The following XCR1 variants were observed in gnomAD, a reference collection of about 807,000 sequenced individuals.
XCR1 encodes the protein chemokine XC receptor 1.
For missense variants in XCR1, 356 were observed against 424.2 expected (o/e 0.84, Z 1.41); for synonymous variants, 187 against 188.5 (o/e 0.99, Z 0.06).
intron 3 of XCR1, among the ~76,000 whole-genome samples, chr3:46,068,480 T>TTA (rs1698113050): frequency 1.3e-5 from 2 of 152,204 alleles, no homozygotes; most frequent in Non-Finnish European, 2.9e-5. Context: ...ATTACTTTGA[T>TTA]TGATCTTGTT....
intron 1 of XCR1, among the ~76,000 whole-genome samples, chr3:46,078,654 G>C (rs1267864960): frequency 6.6e-6 from 1 of 152,214 alleles, no homozygotes; most frequent in Non-Finnish European, 1.5e-5. Context: ...AATTGCAGCT[G>C]CTTCCTATTG....
chr3:46,069,247 A>AAAAT (rs1698125842), intron 3 of XCR1, among the ~76,000 whole-genome samples: 1 of 152,166 alleles, frequency 6.6e-6, no homozygotes, highest in Admixed American at 6.5e-5. Context: ...AAAAAGGAAA[A>AAAAT]AAATAAGGAG....
chr3:46,072,968 A>G (rs114187426), intron 3 of XCR1, among the ~76,000 whole-genome samples: 6,834 of 152,264 alleles, frequency 0.045, 205 homozygotes, highest in African/African-American at 0.081. Flanking sequence ...ATAAAACCAC[A>G]TATTTAGAGA....
intron 4 of XCR1, among the ~76,000 whole-genome samples, chr3:46,059,233 A>T (rs1697917123): frequency 6.6e-6 from 1 of 152,154 alleles, no homozygotes; most frequent in African/African-American, 2.4e-5. Flanking sequence ...ATTCCCTGTG[A>T]TTAGCTGAAT....
At chr3:46,083,547 A>C (rs1559498320) in intron 1 of XCR1, among the ~76,000 whole-genome samples, 1 of 151,604 alleles carries the variant, frequency 6.6e-6, no homozygotes, top group East Asian at 1.9e-4. Flanking sequence ...AGCTCCATGC[A>C]TTTTTTTTTC....
In XCR1 at chr3:46,018,290, C is replaced by T. The variant is rs1226595461; in HGVS notation, c.*2656G>A. ...AGTGAGCTTCTCAAGGGGCCTCAAC[C>T]CCCAAACCTGCCTTCTAAGAAGGGT... On this transcript the variant is annotated 3_prime_UTR_variant, in exon 2 of 2. Coordinates refer to ENST00000309285, the MANE Select transcript of XCR1 (RefSeq NM_001024644.2). The T allele has an allele frequency of 6.6e-6, 1 of 152,134 alleles. No homozygotes were observed. Among genetic ancestry groups the T allele is most frequent in the African/African-American group, 2.4e-5 (1 of 41,410 alleles). 9.4% of individuals were successfully genotyped at this position (152,134 alleles called of 1,614,324 possible). A position where few individuals can be genotyped will look rare whatever the true frequency, so the allele number is the denominator to read the frequency against.
intron 3 of XCR1, among the ~76,000 whole-genome samples, chr3:46,068,239 T>G (rs1698109728): frequency 2.6e-5 from 4 of 152,172 alleles, no homozygotes. Context: ...TATTACAGCA[T>G]GCAAAACAGG....
In XCR1 at chr3:46,019,255, G is replaced by C. The variant is rs1312904663; in HGVS notation, c.*1691C>G. ...AGCAGCCTGGGACAAAGAAGGTAAAGTGTGCCCCAGGGCATGGCTCCCCAA... is the reference window on the plus strand; with the variant it reads ...AGCAGCCTGGGACAAAGAAGGTAAACTGTGCCCCAGGGCATGGCTCCCCAA... On this transcript the variant is annotated 3_prime_UTR_variant, in exon 2 of 2. Coordinates refer to ENST00000309285, the MANE Select transcript of XCR1 (RefSeq NM_001024644.2). 1.3e-5 allele frequency: 2 copies of C among 152,260 alleles called. No homozygotes were observed. The highest frequency in any genetic ancestry group is 6.5e-5 in the Admixed American group (1 of 15,288). 9.4% of individuals were successfully genotyped at this position (152,260 alleles called of 1,614,324 possible).
At chr3:46,070,100 G>T (rs1167759087) in intron 3 of XCR1, among the ~76,000 whole-genome samples, 1 of 151,922 alleles carries the variant, frequency 6.6e-6, no homozygotes, top group Non-Finnish European at 1.5e-5. Flanking sequence ...AGTTTCCAGA[G>T]TTCTTGTTAT....
At chr3:46,041,241 T>C (rs1697532153) in intron 5 of XCR1, among the ~76,000 whole-genome samples, 1 of 152,182 alleles carries the variant, frequency 6.6e-6, no homozygotes, top group Non-Finnish European at 1.5e-5. Flanking sequence ...GTTGGAGGAA[T>C]TGGTTATTTT....
intron 4 of XCR1, among the ~76,000 whole-genome samples, chr3:46,060,810 C>T (rs1178245400): frequency 6.6e-6 from 1 of 152,190 alleles, no homozygotes; most frequent in East Asian, 1.9e-4. Context: ...AGGACGCTTC[C>T]CCAGTACTAC....
chr3:46,082,632 A>G (rs1698394889), intron 1 of XCR1, among the ~76,000 whole-genome samples: 1 of 151,000 alleles, frequency 6.6e-6, no homozygotes, highest in South Asian at 2.1e-4. Flanking sequence ...CTGGGGCAAC[A>G]GAAGTGCACC....
Position 46,021,331 on chromosome 3 carries a change from A to T in XCR1, c.617T>A (p.Val206Glu). The change falls in exon 2 of 2, where the codon GTG becomes GAG. Residue 206 changes from valine (V) to glutamate (E), a missense_variant. Val to Glu is a moderately radical substitution (Grantham distance 121, BLOSUM62 -2). Coordinates refer to ENST00000309285, the MANE Select transcript of XCR1 (RefSeq NM_001024644.2). This position sits in a 1 kb window ranked among gnomAD's most constrained non-coding sequence, Gnocchi z 4.7. ...LSLGIILFCY[V>E]EILRTLFRSR... is the part of the protein sequence containing the mutation. ...GCGGAACAGGGTCCTGAGGATCTCC[A>T]CGTAGCAGAACAGGATAATCCCCAG... 2 of 1,614,198 alleles carry T rather than the reference A, an allele frequency of 1.2e-6. No individual in the cohort carries two copies. Among genetic ancestry groups the T allele is most frequent in the Non-Finnish European group, 1.7e-6 (2 of 1,180,030 alleles).
intron 3 of XCR1, among the ~76,000 whole-genome samples, chr3:46,073,061 T>A (rs141351655): frequency 1.3e-5 from 2 of 152,070 alleles, no homozygotes; most frequent in African/African-American, 4.8e-5. Flanking sequence ...AAAAATTGAA[T>A]TGCGATATGC....
At chr3:46,023,417 T>A in intron 1 of XCR1, 1 of 1,472,506 alleles carries the variant, frequency 6.8e-7, no homozygotes, top group Non-Finnish European at 9.5e-7. Context: ...GCGGCATATC[T>A]TTCTGAAGCC....
chr3:46,068,030 T>C (rs975194653), intron 3 of XCR1, among the ~76,000 whole-genome samples: 4 of 152,166 alleles, frequency 2.6e-5, no homozygotes, highest in African/African-American at 9.7e-5. Context: ...AATAAGGTCA[T>C]TGGTGGATTC....
At chr3:46,082,794 T>A (rs1400759522) in intron 1 of XCR1, among the ~76,000 whole-genome samples, 3 of 152,136 alleles carry the variant, frequency 2.0e-5, no homozygotes, top group Non-Finnish European at 2.9e-5. Context: ...CTGGCCTAGG[T>A]TTCTGTTTTT....
rs761140395 is a variant in XCR1 at position 46,047,382 on chromosome 3, C to T, written c.-32+6538G>A. On this transcript the variant is annotated intron_variant, in intron 5 of 5. Transcript: ENST00000683768. ...TAAAATCATCAAAGTAGAGATACTA[C>T]GTGTTTGCAATGTGCTATGATTAAT... is the stretch of plus-strand genomic sequence containing the variant. Among the ~76,000 whole-genome samples the T allele has an allele frequency of 6.6e-5, 10 of 152,264 alleles. No homozygotes were observed. In the East Asian group the frequency reaches 7.7e-4, roughly 12 times the overall value.
chr3:46,059,353 C>T (rs902127334), intron 4 of XCR1, among the ~76,000 whole-genome samples: 1 of 152,166 alleles, frequency 6.6e-6, no homozygotes, highest in Non-Finnish European at 1.5e-5. Flanking sequence ...CATTCCTAAA[C>T]CACAGTGATG....
Sources: gnomAD v4.1 joint callset for allele counts (sites outside exome capture counted in the v4.1 genomes callset) on GRCh38, gnomAD v4.1.1 for gene constraint, Gnocchi (gnomAD v3.1) non-coding constraint, MANE v1.5 for transcripts, NCBI Gene and HGNC (gene_info 2026-07-23, HGNC 2026-07-21) for gene names.